Variants in AVEN observed in about 807,000 individuals in gnomAD.
AVEN encodes the protein apoptosis and caspase activation inhibitor, also known as cell death regulator Aven.
A neutral mutation model predicts 38.1 loss-of-function variants in AVEN; 41 were observed. The observed-to-expected ratio is 1.08, with a 90% CI of 0.84 to 1.40. The LOEUF is 1.40. Ranked by LOEUF, AVEN falls within the 40% of genes most tolerant of loss-of-function variation. The probability of loss-of-function intolerance (pLI) is 0.00; values close to 1 mark genes in which losing one functional copy is unlikely to be tolerated. For missense variants in AVEN, 605 were observed against 438.8 expected (o/e 1.38, Z -3.38); for synonymous variants, 206 against 171.8 (o/e 1.20, Z -1.56).
chr15:34,069,434 G>C (rs1279032867), intron 2 of AVEN, among the ~76,000 whole-genome samples: 1 of 152,082 alleles, frequency 6.6e-6, no homozygotes. Flanking sequence ...CCTGAAAACA[G>C]AGAAAGACTT....
intron 1 of AVEN, among the ~76,000 whole-genome samples, chr15:34,031,567 T>C (rs891638104): frequency 3.9e-5 from 6 of 152,228 alleles, no homozygotes; most frequent in Admixed American, 1.3e-4. Context: ...GTATCAGTCC[T>C]TAATGGCAAG....
At chr15:33,922,096 G>A (rs111601973) in intron 2 of AVEN, among the ~76,000 whole-genome samples, 108 of 152,302 alleles carry the variant, frequency 7.1e-4, no homozygotes, top group Non-Finnish European at 1.1e-3. Flanking sequence ...TTAGCAGGAC[G>A]TATCTAATCT....
At chr15:34,068,221 C>T (rs1197642983) in intron 2 of AVEN, among the ~76,000 whole-genome samples, 1 of 120,568 alleles carries the variant, frequency 8.3e-6, no homozygotes, top group Non-Finnish European at 1.6e-5. Flanking sequence ...AGTGTGTATT[C>T]CTTTTTTCAT....
At chr15:34,045,881 G>A (rs937496523) in intron 5 of AVEN, among the ~76,000 whole-genome samples, 2 of 152,124 alleles carry the variant, frequency 1.3e-5, no homozygotes, top group Non-Finnish European at 2.9e-5. Flanking sequence ...AGAAACAATC[G>A]GCCAAGGTTG....
downstream of AVEN, among the ~76,000 whole-genome samples, chr15:33,863,456 T>C (rs999753085): frequency 1.3e-5 from 2 of 152,130 alleles, no homozygotes; most frequent in African/African-American, 2.4e-5. Flanking sequence ...TACTTTCTCA[T>C]ATCACCAACT....
In AVEN at chr15:33,866,571, G is replaced by C; in HGVS notation, c.*42C>G. 1 of 1,502,834 alleles carries C rather than the reference G, an allele frequency of 6.7e-7. No individual in the cohort carries two copies. Among genetic ancestry groups the C allele is most frequent in the Middle Eastern group, 1.7e-4 (1 of 5,826 alleles). The allele number at this position is 1,502,834 out of a possible 1,614,324, so 93.1% of individuals were successfully genotyped here. On this transcript the variant is annotated 3_prime_UTR_variant, in exon 6 of 6. Coordinates refer to ENST00000306730, the MANE Select transcript of AVEN (RefSeq NM_020371.3). ...ACAGCCTTATGCCCACCTGCCGTTAGAAGGCAACCAAGATTTGCTTCAGGC... is the reference window on the plus strand; with the variant it reads ...ACAGCCTTATGCCCACCTGCCGTTACAAGGCAACCAAGATTTGCTTCAGGC...
At chr15:34,033,057 T>A (rs1898936973) in intron 1 of AVEN, among the ~76,000 whole-genome samples, 1 of 152,192 alleles carries the variant, frequency 6.6e-6, no homozygotes. Flanking sequence ...ATGTGAACAA[T>A]GTTTCTCAAT....
chr15:33,859,747 G>T, intron 11 of AVEN: 1 of 1,598,082 alleles, frequency 6.3e-7, no homozygotes, highest in Non-Finnish European at 8.5e-7. Context: ...ATTGCCAATT[G>T]TGTTGAGTAT....
chr15:34,038,509 C>A (rs954550165), intron 1 of AVEN, among the ~76,000 whole-genome samples: 1 of 152,128 alleles, frequency 6.6e-6, no homozygotes, highest in Admixed American at 6.5e-5. Context: ...GGGTTCCTAA[C>A]CCGGACCCTG....
chr15:34,049,749 G>T (rs1421568116), intron 5 of AVEN, among the ~76,000 whole-genome samples: 3 of 151,716 alleles, frequency 2.0e-5, no homozygotes, highest in Admixed American at 2.0e-4. Context: ...CTCCAACGTT[G>T]AAATGAAAGA....
chr15:33,939,108 T>TG (rs1164101402), intron 2 of AVEN, among the ~76,000 whole-genome samples: 1 of 152,214 alleles, frequency 6.6e-6, no homozygotes, highest in Non-Finnish European at 1.5e-5. Flanking sequence ...CCCAAAGTGC[T>TG]GGGATTACAG....
At chr15:34,069,598 T>A (rs1304717457) in intron 2 of AVEN, among the ~76,000 whole-genome samples, 1 of 152,226 alleles carries the variant, frequency 6.6e-6, no homozygotes, top group African/African-American at 2.4e-5. Flanking sequence ...CATATGATGT[T>A]CTATCTCATT....
intron 5 of AVEN, chr15:34,046,599 T>G (rs1488035823): frequency 6.6e-6 from 1 of 152,140 alleles, no homozygotes; most frequent in Non-Finnish European, 1.5e-5. Flanking sequence ...ATCAGTAGCA[T>G]CAAGAATACT....
intron 1 of AVEN, among the ~76,000 whole-genome samples, chr15:34,025,704 G>A (rs747612858): frequency 2.0e-5 from 3 of 151,852 alleles, no homozygotes; most frequent in Admixed American, 2.0e-4. Context: ...CCGCTCAAAG[G>A]TTCAGAAGAA....
chr15:33,909,269 A>T (rs776088003), intron 2 of AVEN, among the ~76,000 whole-genome samples: 15 of 152,220 alleles, frequency 9.9e-5, no homozygotes, highest in Non-Finnish European at 1.5e-4. Flanking sequence ...CCAACACCCA[A>T]GTGTGGCACA....
At chr15:34,013,865 C>G (rs1897746071) in intron 1 of AVEN, among the ~76,000 whole-genome samples, 1 of 152,116 alleles carries the variant, frequency 6.6e-6, no homozygotes, top group South Asian at 2.1e-4. Context: ...CAGTTCTGCT[C>G]TAGATGTAGA....
At chr15:34,007,812 T>A (rs1729100204) in intron 1 of AVEN, among the ~76,000 whole-genome samples, 1 of 152,212 alleles carries the variant, frequency 6.6e-6, no homozygotes, top group Non-Finnish European at 1.5e-5. Flanking sequence ...TTCTGGAAGT[T>A]CTGAGGGAGA....
chr15:34,037,355 G>A (rs1208033292), intron 1 of AVEN, among the ~76,000 whole-genome samples: 1 of 151,874 alleles, frequency 6.6e-6, no homozygotes. Flanking sequence ...GAAAAAGTAA[G>A]AGATAAAATA....
intron 2 of AVEN, among the ~76,000 whole-genome samples, chr15:33,943,260 C>T (rs1040175744): frequency 6.6e-6 from 1 of 152,168 alleles, no homozygotes; most frequent in African/African-American, 2.4e-5. Context: ...CACTATGGAA[C>T]ATTATTCAGC....
Sources: gnomAD v4.1 joint callset for allele counts (sites outside exome capture counted in the v4.1 genomes callset) on GRCh38, gnomAD v4.1.1 for gene constraint, MANE v1.5 for transcripts, NCBI Gene and HGNC (gene_info 2026-07-23, HGNC 2026-07-21) for gene names.